Variants in CCNY observed in about 807,000 individuals in gnomAD.
CCNY encodes the protein cyclin Y.
A neutral mutation model predicts 42.8 loss-of-function variants in CCNY; 19 were observed. The ratio of observed to expected loss-of-function variants is 0.44; its 90% CI spans 0.31 to 0.65. The LOEUF (loss-of-function observed/expected upper bound fraction) is 0.65. CCNY is among the 30% of genes least tolerant of loss of function. The probability of loss-of-function intolerance (pLI) is 0.07; values close to 1 mark genes in which losing one functional copy is unlikely to be tolerated. For missense variants in CCNY, 370 were observed against 437.3 expected (o/e 0.85, Z 1.37); for synonymous variants, 165 against 162.7 (o/e 1.01, Z -0.11).
rs545769379 is a variant in CCNY at position 35,474,314 on chromosome 10, G to C, written c.155-9090G>C. ...CCCACCACAGCTCAAGGAGGCCTGC[G>C]TGCCTCTGTAGGCTCCACCTCTGGG... is the stretch of plus-strand genomic sequence containing the variant. On this transcript the variant is annotated intron_variant, in intron 1 of 9. Coordinates refer to ENST00000374704, the MANE Select transcript of CCNY (RefSeq NM_145012.6). Among the ~76,000 whole-genome samples, 429 of 152,290 alleles carry C rather than the reference G, an allele frequency of 2.8e-3. 12 individuals carry two copies. Among genetic ancestry groups the C allele is most frequent in the Admixed American group, 0.022 (333 of 15,290 alleles).
intron 1 of CCNY, among the ~76,000 whole-genome samples, chr10:35,343,512 C>T (rs1397225809): frequency 6.6e-6 from 1 of 151,676 alleles, no homozygotes; most frequent in Admixed American, 6.6e-5. Flanking sequence ...GCCTCAGCCT[C>T]CTAAGTAACT....
At chr10:35,479,294 G>C (rs1489308256) in intron 1 of CCNY, among the ~76,000 whole-genome samples, 1 of 151,708 alleles carries the variant, frequency 6.6e-6, no homozygotes, top group East Asian at 1.9e-4. Flanking sequence ...CTGCTATAAA[G>C]GCACATGCAC....
intron 2 of CCNY, among the ~76,000 whole-genome samples, chr10:35,493,303 G>T (rs1183788272): frequency 1.3e-5 from 2 of 152,154 alleles, no homozygotes; most frequent in Admixed American, 6.5e-5. Flanking sequence ...ATTCCCCCAG[G>T]CTGGGGGGAG....
At chr10:35,367,869 C>T (rs1836842897) in intron 1 of CCNY, among the ~76,000 whole-genome samples, 1 of 152,178 alleles carries the variant, frequency 6.6e-6, no homozygotes, top group Admixed American at 6.5e-5. Flanking sequence ...TCTAATTTTG[C>T]CTATACTCCT....
chr10:35,458,874 C>A (rs1589134387), intron 1 of CCNY, among the ~76,000 whole-genome samples: 1 of 152,182 alleles, frequency 6.6e-6, no homozygotes, highest in Non-Finnish European at 1.5e-5. Context: ...GCATTCACTT[C>A]TAAAGAACGA....
At chr10:35,387,076 C>T (rs1452441857) in intron 1 of CCNY, among the ~76,000 whole-genome samples, 1 of 152,110 alleles carries the variant, frequency 6.6e-6, no homozygotes, top group African/African-American at 2.4e-5. Context: ...GAGAGGAATT[C>T]CACTGTCCTT....
chr10:35,289,596 G>A (rs558011931), intron 3 of CCNY, among the ~76,000 whole-genome samples: 4 of 152,178 alleles, frequency 2.6e-5, no homozygotes, highest in South Asian at 2.1e-4. Context: ...AAAACTGGCC[G>A]AGAGCAGTGG....
chr10:35,295,234 T>C (rs1015193417), intron 3 of CCNY, among the ~76,000 whole-genome samples: 1 of 151,912 alleles, frequency 6.6e-6, no homozygotes, highest in African/African-American at 2.4e-5. Flanking sequence ...ATAATACTTT[T>C]TTTTTTTTCT....
rs997971550 is a variant in CCNY, at chr10:35,518,385, T to C, written c.365+1762T>C. Among the ~76,000 whole-genome samples the C allele has an allele frequency of 5.9e-5, 9 of 152,346 alleles. No homozygotes were observed. In the East Asian group the frequency reaches 9.6e-4, roughly 16 times the overall value. On this transcript the variant is annotated intron_variant, in intron 4 of 9. Coordinates refer to ENST00000374704, the MANE Select transcript of CCNY (RefSeq NM_145012.6). ...GAATCTGGCTGAGGCATACTGTGGG[T>C]ATCTGGACTTTTAACAGACTTTGAT...
At chr10:35,514,267 T>C (rs11814283) in intron 3 of CCNY, among the ~76,000 whole-genome samples, 10 of 152,164 alleles carry the variant, frequency 6.6e-5, no homozygotes, top group Non-Finnish European at 1.2e-4. Context: ...GTTGAGATAC[T>C]CTGAAACTAA....
chr10:35,478,400 T>A (rs1431633349), intron 1 of CCNY, among the ~76,000 whole-genome samples: 2 of 151,538 alleles, frequency 1.3e-5, no homozygotes, highest in East Asian at 1.9e-4. Flanking sequence ...ACTACAAGGC[T>A]ACAGTAACCA....
chr10:35,540,753 T>C (rs1370565637), intron 7 of CCNY, among the ~76,000 whole-genome samples: 1 of 152,214 alleles, frequency 6.6e-6, no homozygotes, highest in African/African-American at 2.4e-5. Flanking sequence ...CAGTAGTTTG[T>C]GTTTTTCTAG....
At chr10:35,322,684 T>C (rs1446770349) in intron 3 of CCNY, among the ~76,000 whole-genome samples, 1 of 152,222 alleles carries the variant, frequency 6.6e-6, no homozygotes, top group Admixed American at 6.5e-5. Flanking sequence ...GAAAAGACAC[T>C]GAATAGGCAC....
intron 3 of CCNY, among the ~76,000 whole-genome samples, chr10:35,277,133 A>G (rs1311079678): frequency 1.3e-5 from 2 of 152,174 alleles, no homozygotes; most frequent in East Asian, 3.8e-4. Flanking sequence ...GGCCCAGGGC[A>G]GCCTCGGTTG....
chr10:35,555,855 T>C (rs1841352874), intron 8 of CCNY, among the ~76,000 whole-genome samples: 1 of 152,216 alleles, frequency 6.6e-6, no homozygotes, highest in Non-Finnish European at 1.5e-5. Flanking sequence ...GTTCTTTTGA[T>C]GGGCAGTCAA....
chr10:35,568,474 T>TTG (rs1841616231), intron 9 of CCNY, among the ~76,000 whole-genome samples: 1 of 152,220 alleles, frequency 6.6e-6, no homozygotes, highest in Non-Finnish European at 1.5e-5. Context: ...CACCAAAGTG[T>TTG]TGATTATCTG....
intron 1 of CCNY, among the ~76,000 whole-genome samples, chr10:35,470,521 C>T (rs879463220): frequency 2.6e-5 from 4 of 152,164 alleles, no homozygotes; most frequent in African/African-American, 4.8e-5. Flanking sequence ...ACGGAGATCA[C>T]CTGCAGGGGC....
In CCNY at chr10:35,572,315, T is replaced by C. The variant is rs1841703225; in HGVS notation, c.*3145T>C. 6.6e-6 allele frequency: 1 copy of C among 152,186 alleles called. No individual in the cohort carries two copies. The allele number at this position is 152,186 out of a possible 1,614,324, so 9.4% of individuals were successfully genotyped here. ...TTCTTTTTTTGAGATGGAGTCTCGC[T>C]CTTGTCACCCAGGCTGGTGTGCAAT... On this transcript the variant is annotated 3_prime_UTR_variant, in exon 10 of 10. Coordinates refer to ENST00000374704, the MANE Select transcript of CCNY (RefSeq NM_145012.6).
At chr10:35,334,799 G>C (rs551009430), upstream of CCNY, among the ~76,000 whole-genome samples, 1 of 152,224 alleles carries the variant, frequency 6.6e-6, no homozygotes, top group Admixed American at 6.5e-5. Context: ...AAAATGGCTA[G>C]ATGTAGAGAA....
Sources: gnomAD v4.1 joint callset for allele counts (sites outside exome capture counted in the v4.1 genomes callset) on GRCh38, gnomAD v4.1.1 for gene constraint, MANE v1.5 for transcripts, NCBI Gene and HGNC (gene_info 2026-07-23, HGNC 2026-07-21) for gene names.